The following RHBDL2 variants were observed in gnomAD, a reference collection of about 807,000 sequenced individuals.
The protein encoded by RHBDL2 is rhomboid like 2.
A neutral mutation model predicts 31.7 loss-of-function variants in RHBDL2; 26 were observed. The observed-to-expected ratio is 0.82, with a 90% CI of 0.60 to 1.14. The LOEUF (loss-of-function observed/expected upper bound fraction) is 1.14. RHBDL2 is among the 50% of genes most tolerant of loss of function. The pLI is 0.00. For missense variants in RHBDL2, 336 were observed against 364.4 expected (o/e 0.92, Z 0.63); for synonymous variants, 123 against 127.2 (o/e 0.97, Z 0.22).
At chr1:38,911,602 CTGTGTGTGTGTGTGTGTG>C (rs56978792) in intron 3 of RHBDL2, among the ~76,000 whole-genome samples, 168 bp from the exon 4 acceptor site, 7,209 of 142,276 alleles carry the variant, frequency 0.051, 224 homozygotes, top group East Asian at 0.12. Flanking sequence ...TTTCTTTTTT[CTGTGTGTGTGTGTGTGTG>C]TGTGTGTGTG....
In RHBDL2 at chr1:38,919,083, T is replaced by G; in HGVS notation, c.130A>C (p.Lys44Gln). The change falls in exon 2 of 8, where the codon AAG (lysine) becomes CAG (glutamine). Residue 44 changes from lysine to glutamine, a missense_variant. By Grantham distance (53) the Lys-to-Gln change is moderately conservative (BLOSUM62 1). Coordinates refer to ENST00000372990, the MANE Select transcript of RHBDL2 (RefSeq NM_017821.5). ...CATTTTGAGACAATCCTGTGGACCT[T>G]TTTACTCTTGGCCCGATCTTTACCT... is the stretch of plus-strand genomic sequence containing the variant. ...GGGKDRAKSKKVHRIVSKWML... is the reference protein window; with the variant it reads ...GGGKDRAKSKQVHRIVSKWML... 6.2e-7 allele frequency: 1 copy of G among 1,614,130 alleles called. No individual in the cohort carries two copies. The highest frequency in any genetic ancestry group is 8.5e-7 in the Non-Finnish European group (1 of 1,180,034).
chr1:38,924,982 T>C (rs965722966), intron 1 of RHBDL2, among the ~76,000 whole-genome samples: 11 of 150,954 alleles, frequency 7.3e-5, no homozygotes, highest in African/African-American at 2.7e-4. Flanking sequence ...GGTTTCACCA[T>C]GTTGGTCAGG....
At chr1:38,894,707 C>CTTTTTTTTTTTTT (rs71057159) in intron 5 of RHBDL2, among the ~76,000 whole-genome samples, 14 of 114,190 alleles carry the variant, frequency 1.2e-4, no homozygotes, top group East Asian at 2.6e-4. Flanking sequence ...CTTTTTTTTT[C>CTTTTTTTTTTTTT]TTTTTTTTTT....
chr1:38,939,439 AT>A (rs1252926426), intron 1 of RHBDL2, among the ~76,000 whole-genome samples: 1 of 152,122 alleles, frequency 6.6e-6, no homozygotes, highest in African/African-American at 2.4e-5. Flanking sequence ...AGGCAGGTGG[AT>A]CACTCGAGTC....
At position 38,887,985 on chromosome 1, in the gene RHBDL2, A is replaced by G. The variant is rs1298101878; in HGVS notation, c.710T>C (p.Phe237Ser). 1.2e-6 allele frequency: 2 copies of G among 1,612,588 alleles called. No individual in the cohort carries two copies. The highest frequency in any genetic ancestry group is 2.7e-5 in the African/African-American group (2 of 74,900). ...DMGFALYRRF[F>S]VPEDGSPVSF... ...CACCGGAGACCCATCTTCAGGAACA[A>G]AGAACCTTCTATAGAGAGCAAATCC... is the stretch of plus-strand genomic sequence containing the variant. Residue 237 changes from phenylalanine (F) to serine (S), a missense_variant, in exon 7 of 8, where the codon TTT becomes TCT. Physicochemically the swap from Phe to Ser is radical, Grantham distance 155 (BLOSUM62 -2). Coordinates refer to ENST00000372990, the MANE Select transcript of RHBDL2 (RefSeq NM_017821.5).
At chr1:38,912,527 C>T (rs1349177501) in intron 3 of RHBDL2, among the ~76,000 whole-genome samples, 1 of 152,072 alleles carries the variant, frequency 6.6e-6, no homozygotes, top group Non-Finnish European at 1.5e-5. Context: ...CGTCCCACCT[C>T]AGCCTCCCCA....
chr1:38,920,188 G>A (rs1429835639), intron 1 of RHBDL2, among the ~76,000 whole-genome samples: 1 of 56,078 alleles, frequency 1.8e-5, no homozygotes, highest in Non-Finnish European at 3.2e-5. Flanking sequence ...TTTTTTTTGA[G>A]ATGTAGTCTC....
At chr1:38,907,494 C>T (rs549740836) in intron 4 of RHBDL2, among the ~76,000 whole-genome samples, 21 of 152,254 alleles carry the variant, frequency 1.4e-4, no homozygotes, top group Admixed American at 7.9e-4. Context: ...GAGCCGAGAT[C>T]GCGCCATCGC....
intron 1 of RHBDL2, among the ~76,000 whole-genome samples, chr1:38,937,261 TTAAA>T (rs1464463026): frequency 6.6e-6 from 1 of 152,160 alleles, no homozygotes; most frequent in African/African-American, 2.4e-5. Flanking sequence ...CCGAGTATTC[TTAAA>T]TAAAACAAAT....
intron 4 of RHBDL2, among the ~76,000 whole-genome samples, chr1:38,905,611 G>C (rs184852863): frequency 1.1e-4 from 16 of 151,684 alleles, no homozygotes; most frequent in Non-Finnish European, 1.6e-4. Context: ...AAATTAGCTG[G>C]GTGTGGTACT....
chr1:38,908,161 G>GAAAAAA (rs572425278), intron 4 of RHBDL2, among the ~76,000 whole-genome samples: 1 of 83,288 alleles, frequency 1.2e-5, no homozygotes, highest in Admixed American at 1.4e-4. Context: ...CTCCAAATTT[G>GAAAAAA]AAAAAAAAAA....
At chr1:38,936,374 C>G (rs1327505505) in intron 1 of RHBDL2, among the ~76,000 whole-genome samples, 1 of 151,764 alleles carries the variant, frequency 6.6e-6, no homozygotes, top group South Asian at 2.1e-4. Flanking sequence ...AGTGGCATGA[C>G]CTTGGCTCAC....
chr1:38,927,165 C>T (rs1333289076), intron 1 of RHBDL2, among the ~76,000 whole-genome samples: 2 of 152,092 alleles, frequency 1.3e-5, no homozygotes, highest in Non-Finnish European at 2.9e-5. Context: ...CGGTGGCTCA[C>T]GCCTGTAATC....
At chr1:38,903,801 T>C (rs1470052969) in intron 4 of RHBDL2, among the ~76,000 whole-genome samples, 1 of 152,182 alleles carries the variant, frequency 6.6e-6, no homozygotes, top group African/African-American at 2.4e-5. Context: ...CCTTCCTGAT[T>C]TCATGACCAA....
intron 4 of RHBDL2, among the ~76,000 whole-genome samples, chr1:38,899,107 T>A (rs987840792): frequency 3.9e-5 from 6 of 152,212 alleles, no homozygotes; most frequent in Non-Finnish European, 7.3e-5. Context: ...CTAGGGATAA[T>A]CCTTGTTTGA....
chr1:38,928,327 A>G (rs1227155587), intron 1 of RHBDL2, among the ~76,000 whole-genome samples: 1 of 151,410 alleles, frequency 6.6e-6, no homozygotes, highest in Non-Finnish European at 1.5e-5. Flanking sequence ...TATTCTTAGT[A>G]GAGACGGGGT....
chr1:38,931,547 A>G (rs1320925800), intron 1 of RHBDL2, among the ~76,000 whole-genome samples: 3 of 151,970 alleles, frequency 2.0e-5, no homozygotes, highest in Non-Finnish European at 1.5e-5. Flanking sequence ...AAGAAAAAAG[A>G]AAAAAGAAAT....
At chr1:38,902,942 C>T (rs1053049238) in intron 4 of RHBDL2, among the ~76,000 whole-genome samples, 52 of 152,040 alleles carry the variant, frequency 3.4e-4, no homozygotes, top group African/African-American at 1.2e-3. Flanking sequence ...TTTAAATAAC[C>T]CATGTGTCAA....
intron 1 of RHBDL2, among the ~76,000 whole-genome samples, chr1:38,924,687 T>C (rs2124345634): frequency 6.6e-6 from 1 of 151,944 alleles, no homozygotes; most frequent in East Asian, 1.9e-4. Flanking sequence ...AGCCAGTGTA[T>C]TGGCCAAAGA....
Sources: gnomAD v4.1 joint callset for allele counts (sites outside exome capture counted in the v4.1 genomes callset) on GRCh38, gnomAD v4.1.1 for gene constraint, MANE v1.5 for transcripts, NCBI Gene and HGNC (gene_info 2026-07-23, HGNC 2026-07-21) for gene names.